The following PLAC1 variants were observed in gnomAD, a reference collection of about 807,000 sequenced individuals.
PLAC1 encodes placenta associated 1, also known as placenta-specific protein 1.
For synonymous variants in PLAC1, 68 were observed against 62.1 expected (o/e 1.09, Z -0.44); for missense variants, 136 against 163.2 (o/e 0.83, Z 0.91).
intron 2 of PLAC1, among the ~76,000 whole-genome samples, chrX:134,670,029 A>T (rs1195791171): frequency 2.0e-5 from 1 of 49,994 alleles, no homozygotes; most frequent in East Asian, 7.4e-4. Flanking sequence ...CCCCACCCCC[A>T]CCCTGAGAAA....
At chrX:134,589,936 C>T (rs746811642) in intron 2 of PLAC1, among the ~76,000 whole-genome samples, 1 of 111,213 alleles carries the variant, frequency 9.0e-6, no homozygotes, top group Non-Finnish European at 1.9e-5. Context: ...TGGCTCACGC[C>T]TGTAATCCCA....
intron 2 of PLAC1, among the ~76,000 whole-genome samples, chrX:134,725,940 T>C (rs911280620): frequency 4.6e-4 from 51 of 111,908 alleles, no homozygotes; most frequent in African/African-American, 1.5e-3. Context: ...GAGGTTGCAG[T>C]GAGCTGAAAT....
chrX:134,674,626 C>T (rs1020340859), intron 2 of PLAC1, among the ~76,000 whole-genome samples: 1 of 112,544 alleles, frequency 8.9e-6, no homozygotes, highest in Non-Finnish European at 1.9e-5. Flanking sequence ...AAACAAACAT[C>T]AACAGCCTCT....
chrX:134,680,540 AAACTG>A (rs748000159), intron 2 of PLAC1, among the ~76,000 whole-genome samples: 1 of 87,174 alleles, frequency 1.1e-5, no homozygotes, highest in African/African-American at 4.4e-5. Flanking sequence ...GAACTAAACT[AAACTG>A]AACTAAACTA....
At position 134,655,402 on chromosome X, in the gene PLAC1, A is replaced by G. The variant is rs1452160040; in HGVS notation, c.-131+2926T>C. 2.7e-5 allele frequency among the ~76,000 whole-genome samples: 3 copies of G among 110,575 alleles called. No individual in the cohort carries two copies. The Admixed American group carries it at 2.9e-4, about 11-fold the overall frequency. Reference sequence around the variant, plus strand: ...GTCACAGGCATCATAACACATTCCCACTAAATTCTTCAGAATGACTCTTTA... The same window carrying G: ...GTCACAGGCATCATAACACATTCCCGCTAAATTCTTCAGAATGACTCTTTA... On this transcript the variant is annotated intron_variant, in intron 1 of 2. Coordinates refer to ENST00000359237, the MANE Select transcript of PLAC1 (RefSeq NM_021796.4).
chrX:134,740,996 T>A (rs2078715715), intron 1 of PLAC1, among the ~76,000 whole-genome samples: 1 of 112,499 alleles, frequency 8.9e-6, no homozygotes, highest in Non-Finnish European at 1.9e-5. Flanking sequence ...TAATGTGTTA[T>A]GGCAACCACA....
At chrX:134,719,000 C>T (rs1319134285) in intron 2 of PLAC1, among the ~76,000 whole-genome samples, 1 of 111,849 alleles carries the variant, frequency 8.9e-6, no homozygotes, top group African/African-American at 3.3e-5. Context: ...TTCACCCAAA[C>T]CCTTTTCACC....
chrX:134,734,803 A>G (rs1049053259), intron 1 of PLAC1, among the ~76,000 whole-genome samples: 2 of 110,981 alleles, frequency 1.8e-5, no homozygotes, highest in African/African-American at 3.3e-5. Flanking sequence ...TTCATCTGGC[A>G]TGTGGGGGAT....
At chrX:134,583,434 G>GT (rs11364556) in intron 2 of PLAC1, among the ~76,000 whole-genome samples, 10 of 77,416 alleles carry the variant, frequency 1.3e-4, no homozygotes, top group Middle Eastern at 7.5e-3. Context: ...CATCTGAGTT[G>GT]TTTTTTTTTT....
intron 1 of PLAC1, among the ~76,000 whole-genome samples, chrX:134,755,185 G>C (rs1299844203): frequency 1.8e-5 from 2 of 111,733 alleles, no homozygotes; most frequent in African/African-American, 6.5e-5. Flanking sequence ...CATGGAAAGT[G>C]GGCAAGAACT....
At chrX:134,660,050 G>C (rs2078410247), upstream of PLAC1, among the ~76,000 whole-genome samples, 1 of 111,230 alleles carries the variant, frequency 9.0e-6, no homozygotes, top group African/African-American at 3.3e-5. Context: ...AAGAACCACA[G>C]CTAATAAGAA....
At chrX:134,700,482 T>C (rs1359184869) in intron 2 of PLAC1, among the ~76,000 whole-genome samples, 1 of 111,470 alleles carries the variant, frequency 9.0e-6, no homozygotes, top group Non-Finnish European at 1.9e-5. Context: ...GGCATCCAAA[T>C]AGGAAAAGAA....
intron 2 of PLAC1, among the ~76,000 whole-genome samples, chrX:134,696,650 G>A (rs188661578): frequency 5.4e-5 from 6 of 111,464 alleles, no homozygotes; most frequent in African/African-American, 2.0e-4. Flanking sequence ...AATTTACTGT[G>A]CTCTAAGTGT....
chrX:134,763,860 GAGA>G (rs2078777446), intron 1 of PLAC1, among the ~76,000 whole-genome samples: 6 of 92,358 alleles, frequency 6.5e-5, no homozygotes, highest in African/African-American at 2.0e-4. Flanking sequence ...AAGAAAGAAA[GAGA>G]AAAGAAAAGG....
At chrX:134,717,591 G>T (rs1405083268) in intron 2 of PLAC1, among the ~76,000 whole-genome samples, 1 of 112,222 alleles carries the variant, frequency 8.9e-6, no homozygotes, top group East Asian at 2.8e-4. Flanking sequence ...CCACACATGT[G>T]GGGGTGAGGA....
chrX:134,725,319 C>T (rs1190994032), intron 2 of PLAC1, among the ~76,000 whole-genome samples: 1 of 111,086 alleles, frequency 9.0e-6, no homozygotes, highest in Non-Finnish European at 1.9e-5. Flanking sequence ...CTTACCCCCT[C>T]TCTTCACTGG....
At chrX:134,680,608 C>CTAAACTAAACTAAACTAAACAAA (rs1569403933) in intron 2 of PLAC1, among the ~76,000 whole-genome samples, 1 of 111,065 alleles carries the variant, frequency 9.0e-6, no homozygotes, top group East Asian at 2.8e-4. Flanking sequence ...CTAAACTAAA[C>CTAAACTAAACTAAACTAAACAAA]ACCTTCCTTC....
intron 2 of PLAC1, among the ~76,000 whole-genome samples, chrX:134,674,499 C>T (rs773747873): frequency 8.9e-5 from 10 of 112,268 alleles, no homozygotes; most frequent in Non-Finnish European, 1.9e-4. Flanking sequence ...TGAGAAAGGA[C>T]CCAGGACAAA....
intron 2 of PLAC1, among the ~76,000 whole-genome samples, chrX:134,693,643 A>G (rs1280495337): frequency 9.0e-6 from 1 of 111,575 alleles, no homozygotes; most frequent in Non-Finnish European, 1.9e-5. Context: ...CAAGTACACC[A>G]TTCTTATATG....
Sources: allele counts gnomAD v4.1 joint callset (sites outside exome capture counted in the v4.1 genomes callset), GRCh38; gene constraint gnomAD v4.1.1; transcripts MANE v1.5; gene names NCBI Gene and HGNC (gene_info 2026-07-23, HGNC 2026-07-21).